Variants in CYP4F2 observed in about 807,000 individuals in gnomAD.
CYP4F2 encodes cytochrome P450 family 4 subfamily F member 2.
A neutral mutation model predicts 58.9 loss-of-function variants in CYP4F2; 58 were observed. The observed-to-expected ratio is 0.98, with a 90% CI of 0.80 to 1.23. The LOEUF (loss-of-function observed/expected upper bound fraction) is 1.23. Ranked by LOEUF, CYP4F2 falls within the 50% of genes most tolerant of loss-of-function variation. The pLI is 0.00. For missense variants in CYP4F2, 616 were observed against 685.6 expected (o/e 0.90, Z 1.13); for synonymous variants, 287 against 261.1 (o/e 1.10, Z -0.95).
At chr19:15,895,929 T>A (rs1372640772) in intron 2 of CYP4F2, among the ~76,000 whole-genome samples, 3 of 152,156 alleles carry the variant, frequency 2.0e-5, no homozygotes, top group Non-Finnish European at 2.9e-5. Context: ...CCATCATATA[T>A]ATCTACTCCA....
At chr19:15,897,662 C>T in intron 1 of CYP4F2, 50 bp from the exon 2 acceptor site, 5 of 1,601,572 alleles carry the variant, frequency 3.1e-6, no homozygotes, top group Non-Finnish European at 4.3e-6. Flanking sequence ...CAGAGAACGG[C>T]CCAGGGACCT....
At chr19:15,894,455 C>G (rs1305583947) in intron 3 of CYP4F2, among the ~76,000 whole-genome samples, 3 of 152,136 alleles carry the variant, frequency 2.0e-5, no homozygotes, top group Non-Finnish European at 4.4e-5. Flanking sequence ...TCGTTGACAT[C>G]ATGAGGAAAA....
intron 2 of CYP4F2, among the ~76,000 whole-genome samples, chr19:15,896,555 C>G (rs917990964): frequency 6.6e-6 from 1 of 152,204 alleles, no homozygotes; most frequent in Non-Finnish European, 1.5e-5. Context: ...CCTTCATGTC[C>G]TGGCTGATCC....
At chr19:15,893,363 C>A (rs549716715) in intron 3 of CYP4F2, among the ~76,000 whole-genome samples, 13 of 152,248 alleles carry the variant, frequency 8.5e-5, no homozygotes, top group East Asian at 5.8e-4. Flanking sequence ...TCAAACAGCA[C>A]CTGAGACAAG....
chr19:15,886,621 T>G, intron 7 of CYP4F2: 2 of 360,568 alleles, frequency 5.5e-6, no homozygotes, highest in Non-Finnish European at 1.0e-5. Flanking sequence ...TAAATGGCAA[T>G]TTCCCTTGGA....
chr19:15,890,789 G>A (rs3093151), intron 5 of CYP4F2, among the ~76,000 whole-genome samples: 2,054 of 152,222 alleles, frequency 0.013, 57 homozygotes, highest in African/African-American at 0.047. Context: ...GCTCCACCTC[G>A]CCATGCTCAC....
In CYP4F2 at chr19:15,892,379, G is replaced by A. The variant is rs200629062; in HGVS notation, c.455C>T (p.Thr152Met). 792 of 1,614,186 alleles carry A rather than the reference G, an allele frequency of 4.9e-4. 3 individuals carry two copies. Among genetic ancestry groups the A allele is most frequent in the Non-Finnish European group, 3.0e-4 (351 of 1,180,032 alleles). Residue 152 changes from threonine (T) to methionine (M), a missense_variant, in exon 5 of 13, where the codon ACG becomes ATG. Transcript: ENST00000221700. ...DKWSRHRRML[T>M]PAFHFNILKP... ...CAGGATGTTGAAATGGAAGGCAGGC[G>A]TCAGCATCCGACGGTGGCGGCTCCA...
chr19:15,886,343 C>T, intron 7 of CYP4F2, 35 bp from the exon 8 acceptor site: 3 of 1,606,872 alleles, frequency 1.9e-6, no homozygotes, highest in African/African-American at 1.4e-5. Context: ...CCAACCCCCA[C>T]CCCCATAAAA....
At position 15,885,502 on chromosome 19, in the gene CYP4F2, G is replaced by C. The variant is rs1019657573; in HGVS notation, c.1115+422C>G. Among the ~76,000 whole-genome samples the C allele has an allele frequency of 7.2e-5, 11 of 152,198 alleles. 1 individual carries two copies. The South Asian group carries it at 1.2e-3, about 17-fold the overall frequency. ...TGAACAGTGCAAGTGTTCCGGACAAGAATGGATGAATTTTACCCCTAGGTC... is the reference window on the plus strand; with the variant it reads ...TGAACAGTGCAAGTGTTCCGGACAACAATGGATGAATTTTACCCCTAGGTC... On this transcript the variant is annotated intron_variant, in intron 9 of 12. Transcript: ENST00000221700.
chr19:15,891,387 G>A (rs998097376), intron 5 of CYP4F2, among the ~76,000 whole-genome samples: 4 of 152,000 alleles, frequency 2.6e-5, no homozygotes, highest in Admixed American at 6.6e-5. Context: ...ACTATCCTTT[G>A]TCTCTGACCC....
chr19:15,891,495 C>T (rs1420775123), intron 5 of CYP4F2, among the ~76,000 whole-genome samples: 1 of 152,134 alleles, frequency 6.6e-6, no homozygotes, highest in Non-Finnish European at 1.5e-5. Context: ...TTCGCAAAAC[C>T]TTTGCCACAA....
intron 9 of CYP4F2, among the ~76,000 whole-genome samples, chr19:15,885,095 C>G (rs1267966666): frequency 6.6e-6 from 1 of 151,946 alleles, no homozygotes; most frequent in Non-Finnish European, 1.5e-5. Context: ...CTCTCTCTCT[C>G]TCTCCTTCTC....
intron 10 of CYP4F2, 34 bp downstream of exon 10, chr19:15,879,730 C>T (rs1353483336): frequency 6.2e-7 from 1 of 1,613,864 alleles, no homozygotes; most frequent in African/African-American, 1.3e-5. Context: ...CCTCTTCCTA[C>T]CCAGGAGACT....
chr19:15,897,244 G>A (rs369942274), intron 2 of CYP4F2, among the ~76,000 whole-genome samples, 170 bp downstream of exon 2: 1 of 152,168 alleles, frequency 6.6e-6, no homozygotes, highest in African/African-American at 2.4e-5. Context: ...AGAAGGGCTT[G>A]CGTAGGCACC....
intron 3 of CYP4F2, among the ~76,000 whole-genome samples, chr19:15,894,567 A>G (rs983456234): frequency 6.6e-6 from 1 of 152,180 alleles, no homozygotes; most frequent in African/African-American, 2.4e-5. Context: ...CCATGCCTGA[A>G]GGCCACCCTC....
rs770633305 is a variant in CYP4F2 at position 15,878,907 on chromosome 19, G to A, written c.1427C>T (p.Ala476Val). ...RNCIGQTFAM[A>V]EMKVVLALTL... ...GAGCGCCAGGACCACCTTCATCTCCGCCATCGCGAACGTCTGCCCGATGCA... is the reference window on the plus strand; with the variant it reads ...GAGCGCCAGGACCACCTTCATCTCCACCATCGCGAACGTCTGCCCGATGCA... Residue 476 changes from alanine (A) to valine (V), a missense_variant, in exon 13 of 13, where the codon GCG (alanine) becomes GTG (valine). Coordinates refer to ENST00000221700, the MANE Select transcript of CYP4F2 (RefSeq NM_001082.5). The A allele has an allele frequency of 1.4e-5, 22 of 1,613,818 alleles. No homozygotes were observed. Among genetic ancestry groups the A allele is most frequent in the Middle Eastern group, 1.7e-4 (1 of 6,004 alleles).
intron 3 of CYP4F2, among the ~76,000 whole-genome samples, chr19:15,894,858 G>A (rs1391624442): frequency 6.6e-6 from 1 of 152,172 alleles, no homozygotes; most frequent in East Asian, 1.9e-4. Context: ...TGCAGCAGGA[G>A]AGCAACGAAC....
intron 2 of CYP4F2, among the ~76,000 whole-genome samples, chr19:15,896,891 A>G (rs533726814): frequency 2.6e-5 from 4 of 152,350 alleles, no homozygotes; most frequent in South Asian, 4.1e-4. Flanking sequence ...TGAGTGGCCA[A>G]CTTTTATCTG....
chr19:15,879,690 T>C, intron 10 of CYP4F2, 22 bp from the exon 11 acceptor site: 1 of 1,614,006 alleles, frequency 6.2e-7, no homozygotes, highest in Non-Finnish European at 8.5e-7. Flanking sequence ...AAGGGAGCAG[T>C]CAGGAGAAGG....
Sources: gnomAD v4.1 joint callset for allele counts (sites outside exome capture counted in the v4.1 genomes callset) on GRCh38, gnomAD v4.1.1 for gene constraint, MANE v1.5 for transcripts, NCBI Gene and HGNC (gene_info 2026-07-23, HGNC 2026-07-21) for gene names.